The following DONSON variants were observed in gnomAD, a reference collection of about 807,000 sequenced individuals.
The protein encoded by DONSON is protein downstream neighbor of Son.
A neutral mutation model predicts 62.1 loss-of-function variants in DONSON; 43 were observed. The observed-to-expected ratio is 0.69, with a 90% CI of 0.54 to 0.89. DONSON has a LOEUF of 0.89. Ranked by LOEUF, DONSON falls within the 40% of genes least tolerant of loss-of-function variation. The pLI is 0.00. For synonymous variants in DONSON, 266 were observed against 264.6 expected (o/e 1.01, Z -0.05); for missense variants, 696 against 697.5 (o/e 1.00, Z 0.03).
intron 8 of DONSON, among the ~76,000 whole-genome samples, chr21:33,580,748 G>A (rs2086498408): frequency 6.6e-6 from 1 of 152,120 alleles, no homozygotes; most frequent in Non-Finnish European, 1.5e-5. Flanking sequence ...TGGGCGTGGT[G>A]GTGCCCACCT....
intron 3 of DONSON, among the ~76,000 whole-genome samples, 186 bp from the exon 4 acceptor site, chr21:33,584,954 G>A (rs903537624): frequency 3.9e-5 from 6 of 152,116 alleles, no homozygotes; most frequent in South Asian, 2.1e-4. Context: ...ATGGTAAGCC[G>A]TAGTATCAGA....
Position 33,578,130 on chromosome 21 carries a change from C to G in DONSON, c.*177G>C. On this transcript the variant is annotated 3_prime_UTR_variant, in exon 10 of 10. Coordinates refer to ENST00000303071, the MANE Select transcript of DONSON (RefSeq NM_017613.4). ...CATTTGAGTTATCTGAGTTTTTCAT[C>G]TTTATATCTAAAAATCTAATCTGAA... 3 of 631,508 alleles carry G rather than the reference C, an allele frequency of 4.8e-6. No individual in the cohort carries two copies. The highest frequency in any genetic ancestry group is 2.7e-5 in the South Asian group (1 of 36,638). The allele number at this position is 631,508 out of a possible 1,614,324, so 39.1% of individuals were successfully genotyped here.
chr21:33,581,652 TTCAA>T (rs2086512334), intron 7 of DONSON, 152 bp from the exon 8 acceptor site: 1 of 742,518 alleles, frequency 1.3e-6, no homozygotes, highest in Non-Finnish European at 2.1e-6. Flanking sequence ...AGGCATATGT[TTCAA>T]TCAAAATGTT....
In DONSON at chr21:33,578,115, A is replaced by G. The variant is rs185178624; in HGVS notation, c.*192T>C. ...GGGATATAGATATCTCATTTGAGTT[A>G]TCTGAGTTTTTCATCTTTATATCTA... On this transcript the variant is annotated 3_prime_UTR_variant, in exon 10 of 10. Transcript: ENST00000303071. 45 of 557,896 alleles carry G rather than the reference A, an allele frequency of 8.1e-5. No individual in the cohort carries two copies. The highest frequency in any genetic ancestry group is 1.2e-4 in the Non-Finnish European group (39 of 329,980). The allele number at this position is 557,896 out of a possible 1,614,324, so 34.6% of individuals were successfully genotyped here.
At chr21:33,584,526 A>T in intron 4 of DONSON, 64 bp downstream of exon 4, 1 of 1,433,882 alleles carries the variant, frequency 7.0e-7, no homozygotes, top group Non-Finnish European at 9.4e-7. Context: ...CACAAATATG[A>T]TAGAGAATGC....
In DONSON at chr21:33,578,198, A is replaced by T; in HGVS notation, c.*109T>A. ...AAAACCTTAGATGCTACTGTAGTAAAAGTTATGTTTATAAACATTTCAGTA... is the reference window on the plus strand; with the variant it reads ...AAAACCTTAGATGCTACTGTAGTAATAGTTATGTTTATAAACATTTCAGTA... On this transcript the variant is annotated 3_prime_UTR_variant, in exon 10 of 10. Transcript: ENST00000303071. The T allele has an allele frequency of 8.2e-7, 1 of 1,225,106 alleles. No homozygotes were observed. The highest frequency in any genetic ancestry group is 1.1e-6 in the Non-Finnish European group (1 of 885,616). 75.9% of individuals were successfully genotyped at this position (1,225,106 alleles called of 1,614,324 possible).
intron 8 of DONSON, 108 bp downstream of exon 8, chr21:33,581,194 G>C (rs2086506135): frequency 1.9e-6 from 2 of 1,069,240 alleles, no homozygotes; most frequent in South Asian, 4.1e-5. Flanking sequence ...AAAGCAAAAT[G>C]AAAATATGTA....
At chr21:33,586,677 T>C (rs1441755691) in intron 2 of DONSON, among the ~76,000 whole-genome samples, 1 of 152,132 alleles carries the variant, frequency 6.6e-6, no homozygotes, top group Non-Finnish European at 1.5e-5. Context: ...CTCTGTCGCC[T>C]AGGCTGAGTG....
rs76383794 is a variant in DONSON, at chr21:33,580,628, A to C, written c.1350+674T>G. 5.1e-3 allele frequency among the ~76,000 whole-genome samples: 773 copies of C among 151,376 alleles called. 7 individuals are homozygous for C. Among genetic ancestry groups the C allele is most frequent in the African/African-American group, 0.018 (738 of 41,278 alleles). On this transcript the variant is annotated intron_variant, in intron 8 of 9. Coordinates refer to ENST00000303071, the MANE Select transcript of DONSON (RefSeq NM_017613.4). ...ACTACAGCAAGACCCTGTCTCCCCA[A>C]CCAAAAAAAGAAAATAAATGTTCGT... is the stretch of plus-strand genomic sequence containing the variant.
At chr21:33,585,914 C>A in intron 3 of DONSON, 64 bp downstream of exon 3, 1 of 1,501,642 alleles carries the variant, frequency 6.7e-7, no homozygotes, top group South Asian at 1.2e-5. Flanking sequence ...TGCTATTTTG[C>A]AAAGGAGAGC....
At chr21:33,585,387 A>ATTTTT (rs773327167) in intron 3 of DONSON, among the ~76,000 whole-genome samples, 8 of 109,816 alleles carry the variant, frequency 7.3e-5, no homozygotes, top group Non-Finnish European at 1.1e-4. Flanking sequence ...TGCTCAGCTA[A>ATTTTT]TTTTTTTTTT....
In DONSON at chr21:33,578,288, T is replaced by C. The variant is rs1395233823; in HGVS notation, c.*19A>G. Reference sequence around the variant, plus strand: ...AAGGCTTTTTTCCTCAAAGATTCCTTTTAGGCTTACTTTGGTGTTCAGGAT... The same window carrying C: ...AAGGCTTTTTTCCTCAAAGATTCCTCTTAGGCTTACTTTGGTGTTCAGGAT... On this transcript the variant is annotated 3_prime_UTR_variant, in exon 10 of 10. Transcript: ENST00000303071. The C allele has an allele frequency of 6.2e-7, 1 of 1,608,126 alleles. No homozygotes were observed. The highest frequency in any genetic ancestry group is 8.5e-7 in the Non-Finnish European group (1 of 1,177,276).
Position 33,578,300 on chromosome 21 carries a change from T to C in DONSON, c.*7A>G. ...CTCAAAGATTCCTTTTAGGCTTACT[T>C]TGGTGTTCAGGATCTCCAATTATAA... is the stretch of plus-strand genomic sequence containing the variant. On this transcript the variant is annotated 3_prime_UTR_variant, in exon 10 of 10. Transcript: ENST00000303071. 1 of 1,611,092 alleles carries C rather than the reference T, an allele frequency of 6.2e-7. No homozygotes were observed. Among genetic ancestry groups the C allele is most frequent in the Non-Finnish European group, 8.5e-7 (1 of 1,178,718 alleles).
intron 9 of DONSON, 91 bp from the exon 10 acceptor site, chr21:33,578,535 T>C (rs1569073886): frequency 1.5e-6 from 2 of 1,344,448 alleles, no homozygotes; most frequent in African/African-American, 2.9e-5. Context: ...GACAAATAAA[T>C]GGCTGATTAA....
At position 33,577,986 on chromosome 21, in the gene DONSON, C is replaced by G. The variant is rs946585556; in HGVS notation, c.*321G>C. 6 of 185,602 alleles carry G rather than the reference C, an allele frequency of 3.2e-5. No homozygotes were observed. The highest frequency in any genetic ancestry group is 5.5e-5 in the Non-Finnish European group (5 of 90,600). The allele number at this position is 185,602 out of a possible 1,614,324, so 11.5% of individuals were successfully genotyped here. The stretch of plus-strand genomic sequence containing the variant: ...AAATCGTAAAGTAACATATTTTTGC[C>G]CTGATGCCATTAGTCACAATGCCAT... On this transcript the variant is annotated 3_prime_UTR_variant, in exon 10 of 10. Transcript: ENST00000303071.
At chr21:33,580,825 T>C (rs1296801885) in intron 8 of DONSON, among the ~76,000 whole-genome samples, 1 of 151,738 alleles carries the variant, frequency 6.6e-6, no homozygotes, top group Non-Finnish European at 1.5e-5. Context: ...GAGGCTGCAG[T>C]GAGCCGAGAT....
At chr21:33,583,015 C>T (rs1201085990) in intron 5 of DONSON, among the ~76,000 whole-genome samples, 2 of 151,732 alleles carry the variant, frequency 1.3e-5, no homozygotes, top group African/African-American at 4.8e-5. Flanking sequence ...TCCTGGCTAA[C>T]ACGGTGAAAC....
intron 3 of DONSON, among the ~76,000 whole-genome samples, chr21:33,585,387 ATTTTTTT>A (rs773327167): frequency 6.4e-5 from 7 of 109,820 alleles, no homozygotes; most frequent in Admixed American, 2.2e-4. Flanking sequence ...TGCTCAGCTA[ATTTTTTT>A]TTTTTTTTTT....
At chr21:33,579,970 A>G (rs1430564716) in intron 8 of DONSON, among the ~76,000 whole-genome samples, 1 of 151,788 alleles carries the variant, frequency 6.6e-6, no homozygotes, top group African/African-American at 2.4e-5. Context: ...CAAGGTGGGC[A>G]GATCACTTGA....
Sources: gnomAD v4.1 joint callset for allele counts (sites outside exome capture counted in the v4.1 genomes callset) on GRCh38, gnomAD v4.1.1 for gene constraint, MANE v1.5 for transcripts, NCBI Gene and HGNC (gene_info 2026-07-23, HGNC 2026-07-21) for gene names.